CPS1: variants seen among roughly 807,000 people sequenced by gnomAD.
The protein encoded by CPS1 is carbamoyl-phosphate synthase 1.
In CPS1, 109 loss-of-function variants were observed where a neutral mutation model predicts 174.6. The observed-to-expected ratio is 0.62, with a 90% CI of 0.53 to 0.73. The LOEUF (loss-of-function observed/expected upper bound fraction) is 0.73, where lower values mean the gene tolerates loss of function less well. CPS1 is among the 30% of genes least tolerant of loss of function. CPS1 has a pLI of 0.00. For missense variants in CPS1, 1,689 were observed against 1,821.9 expected (o/e 0.93, Z 1.33); for synonymous variants, 637 against 632.0 (o/e 1.01, Z -0.12).
At chr2:210,502,274 T>A (rs1695159519) in intron 1 of CPS1, among the ~76,000 whole-genome samples, 1 of 151,822 alleles carries the variant, frequency 6.6e-6, no homozygotes, top group African/African-American at 2.4e-5. Flanking sequence ...CTCACAGAGT[T>A]GATCTTTGTG....
chr2:210,493,395 G>A (rs866040059), intron 1 of CPS1, among the ~76,000 whole-genome samples: 1 of 152,142 alleles, frequency 6.6e-6, no homozygotes, highest in African/African-American at 2.4e-5. Context: ...ATTTTTCTTC[G>A]ATCCCACTTA....
At chr2:210,490,434 T>C (rs1475918240) in intron 1 of CPS1, among the ~76,000 whole-genome samples, 1 of 152,204 alleles carries the variant, frequency 6.6e-6, no homozygotes, top group East Asian at 1.9e-4. Context: ...ACTTAATAAA[T>C]CCATAAGTAT....
chr2:210,620,490 G>C (rs1053658445), intron 21 of CPS1, among the ~76,000 whole-genome samples: 1 of 152,114 alleles, frequency 6.6e-6, no homozygotes, highest in Non-Finnish European at 1.5e-5. Flanking sequence ...AAATATCTGA[G>C]ACTGGGTAGT....
intron 1 of CPS1, among the ~76,000 whole-genome samples, chr2:210,533,383 A>G (rs1246109672): frequency 6.6e-6 from 1 of 152,190 alleles, no homozygotes; most frequent in Admixed American, 6.5e-5. Flanking sequence ...CTCTGCCTAG[A>G]AATCACCCAT....
chr2:210,627,576 G>A (rs2105882557), intron 21 of CPS1, among the ~76,000 whole-genome samples: 1 of 152,248 alleles, frequency 6.6e-6, no homozygotes, highest in Admixed American at 6.5e-5. Context: ...TCTGACCTTA[G>A]GATAGAGTCA....
chr2:210,595,670 T>C, intron 13 of CPS1, 88 bp downstream of exon 13: 1 of 914,640 alleles, frequency 1.1e-6, no homozygotes, highest in Non-Finnish European at 1.8e-6. Flanking sequence ...TGACACTACC[T>C]CTTTTCAAAG....
chr2:210,602,093 C>A, intron 15 of CPS1, 109 bp from the exon 16 acceptor site: 1 of 1,279,054 alleles, frequency 7.8e-7, no homozygotes, highest in South Asian at 1.3e-5. Context: ...TTTCTAGATT[C>A]ACTCTCCCCA....
At position 210,675,709 on chromosome 2, in the gene CPS1, T is replaced by G. The variant is rs1280945927; in HGVS notation, c.4162-19T>G. 1 of 1,235,464 alleles carries G rather than the reference T, an allele frequency of 8.1e-7. No homozygotes were observed. Among genetic ancestry groups the G allele is most frequent in the Non-Finnish European group, 1.2e-6 (1 of 834,240 alleles). The allele number at this position is 1,235,464 out of a possible 1,614,324, so 76.5% of individuals were successfully genotyped here. A position where few individuals can be genotyped will look rare whatever the true frequency, so the allele number is the denominator to read the frequency against. On this transcript the variant is annotated intron_variant, in intron 35 of 37. Coordinates refer to ENST00000233072, the MANE Select transcript of CPS1 (RefSeq NM_001875.5). The stretch of plus-strand genomic sequence containing the variant: ...AAATCACTGTGATACGGTAATTGAT[T>G]TTTTCATTTTAAATGCAGCTGTTTG...
At chr2:210,510,048 A>G (rs1431571912) in intron 1 of CPS1, among the ~76,000 whole-genome samples, 1 of 152,164 alleles carries the variant, frequency 6.6e-6, no homozygotes, top group Non-Finnish European at 1.5e-5. Context: ...TATGGAACCA[A>G]AAAAGAGCCC....
rs1385938655 is a variant in CPS1, at chr2:210,616,435, A to G, written c.2581A>G (p.Asn861Asp). The part of the protein sequence containing the change: ...IYAIAKAIDD[N>D]MSLDEIEKLT... ...CTCCTCTTGGCAGGCCATTGATGAC[A>G]ACATGTCCCTTGATGAGATTGAGAA... The change falls in exon 21 of 38, where the codon AAC (asparagine) becomes GAC (aspartate). Residue 861 changes from asparagine to aspartate, a missense_variant. Transcript: ENST00000233072. 1 of 1,610,644 alleles carries G rather than the reference A, an allele frequency of 6.2e-7. No homozygotes were observed. The highest frequency in any genetic ancestry group is 8.5e-7 in the Non-Finnish European group (1 of 1,177,272).
chr2:210,667,937 T>A (rs2105932625), intron 33 of CPS1, among the ~76,000 whole-genome samples: 1 of 152,330 alleles, frequency 6.6e-6, no homozygotes, highest in Middle Eastern at 3.4e-3. Context: ...ATTCATTCAT[T>A]ATGCTTAATT....
At chr2:210,674,877 T>C (rs761748203) in intron 34 of CPS1, 25 bp from the exon 35 acceptor site, 3 of 1,595,880 alleles carry the variant, frequency 1.9e-6, no homozygotes, top group Middle Eastern at 1.7e-4. Context: ...ATCTAGAAAG[T>C]GAATTTTGTG....
chr2:210,609,750 A>G (rs1312740528), intron 19 of CPS1, among the ~76,000 whole-genome samples: 1 of 151,792 alleles, frequency 6.6e-6, no homozygotes, highest in Non-Finnish European at 1.5e-5. Context: ...ATTTTTCCAT[A>G]TTGTTCTTTA....
At chr2:210,487,616 A>G (rs1694764159) in intron 1 of CPS1, among the ~76,000 whole-genome samples, 1 of 152,118 alleles carries the variant, frequency 6.6e-6, no homozygotes, top group African/African-American at 2.4e-5. Flanking sequence ...ATGACTTGAC[A>G]TTGGTATTCT....
intron 2 of CPS1, 61 bp from the exon 3 acceptor site, chr2:210,576,285 A>C: frequency 6.5e-7 from 1 of 1,549,976 alleles, no homozygotes; most frequent in Admixed American, 1.7e-5. Context: ...GCATGTATGC[A>C]GATTATAGCT....
chr2:210,563,987 T>G (rs1407633910), intron 1 of CPS1, among the ~76,000 whole-genome samples: 4 of 152,186 alleles, frequency 2.6e-5, no homozygotes, highest in Non-Finnish European at 5.9e-5. Flanking sequence ...AGGGTAAAAT[T>G]GCAGTCACTT....
intron 1 of CPS1, among the ~76,000 whole-genome samples, chr2:210,540,912 G>A (rs1305169757): frequency 6.6e-6 from 1 of 152,018 alleles, no homozygotes; most frequent in African/African-American, 2.4e-5. Flanking sequence ...ATCACGAAAT[G>A]GAAAAACAAT....
chr2:210,674,862 T>G, intron 34 of CPS1, 40 bp from the exon 35 acceptor site: 1 of 1,492,230 alleles, frequency 6.7e-7, no homozygotes, highest in South Asian at 1.1e-5. Flanking sequence ...ATGAAGAGCA[T>G]GTATATCTAG....
At chr2:210,509,214 G>A (rs1695381226) in intron 1 of CPS1, among the ~76,000 whole-genome samples, 2 of 152,284 alleles carry the variant, frequency 1.3e-5, no homozygotes, top group East Asian at 1.9e-4. Flanking sequence ...TGGGATGCAA[G>A]GCTGGTTCAA....
Sources: gnomAD v4.1 joint callset for allele counts (sites outside exome capture counted in the v4.1 genomes callset) on GRCh38, gnomAD v4.1.1 for gene constraint, MANE v1.5 for transcripts, NCBI Gene and HGNC (gene_info 2026-07-23, HGNC 2026-07-21) for gene names.